Variants in DNM3 observed in about 807,000 individuals in gnomAD.
The protein encoded by DNM3 is dynamin-3.
Under a neutral mutation model 101.6 loss-of-function variants are expected in DNM3, and 47 were observed. That is an observed-to-expected ratio of 0.46 (90% CI 0.37 to 0.59). The LOEUF (loss-of-function observed/expected upper bound fraction) is 0.59, where lower values mean the gene tolerates loss of function less well. Ranked by LOEUF, DNM3 falls within the 20% of genes least tolerant of loss-of-function variation. DNM3 has a pLI of 0.00. For synonymous variants in DNM3, 385 were observed against 387.9 expected (o/e 0.99, Z 0.09); for missense variants, 849 against 1,085.7 (o/e 0.78, Z 3.06).
chr1:172,034,883 T>C (rs969218083), intron 6 of DNM3, among the ~76,000 whole-genome samples: 2 of 152,144 alleles, frequency 1.3e-5, no homozygotes, highest in Non-Finnish European at 2.9e-5. Flanking sequence ...GTAATGTTTC[T>C]AGACCAAATT....
At chr1:172,252,348 A>G (rs888740734) in intron 14 of DNM3, among the ~76,000 whole-genome samples, 2 of 152,152 alleles carry the variant, frequency 1.3e-5, no homozygotes, top group African/African-American at 4.8e-5. Context: ...TCCCTACAAT[A>G]CAACATGTTA....
intron 20 of DNM3, among the ~76,000 whole-genome samples, chr1:172,399,177 A>G (rs1477829893): frequency 1.3e-5 from 2 of 151,998 alleles, no homozygotes; most frequent in Non-Finnish European, 1.5e-5. Context: ...ATTATTCTTT[A>G]CCCTTTTAGC....
intron 1 of DNM3, among the ~76,000 whole-genome samples, chr1:171,899,976 A>T (rs1315751035): frequency 2.0e-5 from 3 of 152,246 alleles, no homozygotes; most frequent in Non-Finnish European, 4.4e-5. Context: ...TGCAAAGGCA[A>T]GGATGCAAGA....
chr1:172,294,269 G>A (rs1216247705), intron 15 of DNM3, among the ~76,000 whole-genome samples: 1 of 152,014 alleles, frequency 6.6e-6, no homozygotes, highest in Non-Finnish European at 1.5e-5. Context: ...CATTCTGCTT[G>A]TTTTGGTTTA....
chr1:171,913,914 G>T (rs185669650), intron 1 of DNM3, among the ~76,000 whole-genome samples: 9 of 151,718 alleles, frequency 5.9e-5, no homozygotes, highest in Non-Finnish European at 5.9e-5. Flanking sequence ...TCAGGCTCCC[G>T]AGTAGCTGGG....
chr1:172,403,367 A>T (rs2070648185), intron 20 of DNM3, among the ~76,000 whole-genome samples: 1 of 152,120 alleles, frequency 6.6e-6, no homozygotes, highest in Non-Finnish European at 1.5e-5. Flanking sequence ...CTGATACACC[A>T]AAGCAGTTTG....
In DNM3 at chr1:172,418,278, T is replaced by C. The variant is rs541305928; in HGVS notation, c.2541-3T>C. 3.2e-4 allele frequency: 415 copies of C among 1,289,252 alleles called. 1 individual carries two copies. In the African/African-American group the frequency reaches 5.7e-3, roughly 18 times the overall value. The allele number at this position is 1,289,252 out of a possible 1,614,324, so 79.9% of individuals were successfully genotyped here. The stretch of plus-strand genomic sequence containing the variant: ...TTGTTTTGTTTTGTTTTGTTTTTAC[T>C]AGGCGACCCCCTCCTGCAGTTCCAG... On this transcript the variant is annotated splice_region_variant and splice_polypyrimidine_tract_variant and intron_variant, in intron 20 of 20. Coordinates refer to the DNM3 transcript ENST00000485254.
chr1:172,171,272 A>G (rs1467353014), intron 14 of DNM3, among the ~76,000 whole-genome samples: 3 of 151,726 alleles, frequency 2.0e-5, no homozygotes, highest in Non-Finnish European at 2.9e-5. Flanking sequence ...AAGTTCAACT[A>G]TTTTGACTTT....
chr1:172,073,663 A>G (rs1572386971), intron 11 of DNM3, among the ~76,000 whole-genome samples: 1 of 152,184 alleles, frequency 6.6e-6, no homozygotes, highest in African/African-American at 2.4e-5. Flanking sequence ...GCTACCTTCA[A>G]TGAAGGGAGG....
chr1:172,343,604 G>A (rs534082495), intron 17 of DNM3, among the ~76,000 whole-genome samples: 2 of 152,212 alleles, frequency 1.3e-5, no homozygotes, highest in Admixed American at 6.5e-5. Context: ...CAGAGGAGTC[G>A]AGTGCAGTGT....
Position 172,306,000 on chromosome 1 carries a change from G to A in DNM3, c.1770-2728G>A, listed in dbSNP as rs28879412. The stretch of plus-strand genomic sequence containing the variant: ...ACAGGGATGCCCTCTCTCACCACTC[G>A]TATTCAACATAGTGTTGGAAGTTCT... On this transcript the variant is annotated intron_variant, in intron 15 of 20. Transcript: ENST00000627582. Among the ~76,000 whole-genome samples the A allele has an allele frequency of 3.9e-5, 6 of 152,056 alleles. No homozygotes were observed. In the South Asian group the frequency reaches 6.2e-4, roughly 16 times the overall value.
chr1:172,237,823 G>A (rs1431485455), intron 14 of DNM3, among the ~76,000 whole-genome samples: 1 of 152,180 alleles, frequency 6.6e-6, no homozygotes, highest in Admixed American at 6.6e-5. Flanking sequence ...CAACATTAAT[G>A]TGAGAGATTA....
At chr1:172,270,432 T>C (rs1254637455) in intron 15 of DNM3, among the ~76,000 whole-genome samples, 1 of 152,164 alleles carries the variant, frequency 6.6e-6, no homozygotes, top group Non-Finnish European at 1.5e-5. Context: ...GTCTAATATA[T>C]TTTCAGTTTT....
At chr1:171,880,983 G>T (rs188481710) in intron 1 of DNM3, among the ~76,000 whole-genome samples, 1 of 152,028 alleles carries the variant, frequency 6.6e-6, no homozygotes, top group Non-Finnish European at 1.5e-5. Flanking sequence ...TTATTTTGTG[G>T]CTAATTTATT....
At chr1:172,361,589 A>G (rs1466030095) in intron 17 of DNM3, among the ~76,000 whole-genome samples, 1 of 151,922 alleles carries the variant, frequency 6.6e-6, no homozygotes. Context: ...CAATTAAATC[A>G]TAATATTTGA....
intron 15 of DNM3, among the ~76,000 whole-genome samples, chr1:172,279,936 G>A (rs1449586162): frequency 6.6e-6 from 1 of 152,054 alleles, no homozygotes; most frequent in Non-Finnish European, 1.5e-5. Flanking sequence ...TCTGCTTAAA[G>A]TCCGTGTATT....
At chr1:171,990,077 C>A (rs1251680057) in intron 4 of DNM3, among the ~76,000 whole-genome samples, 1 of 151,992 alleles carries the variant, frequency 6.6e-6, no homozygotes. Context: ...CTTTGTGAAT[C>A]TTATTTTTAT....
intron 14 of DNM3, among the ~76,000 whole-genome samples, chr1:172,171,038 T>C: frequency 6.6e-6 from 1 of 151,840 alleles, no homozygotes; most frequent in East Asian, 1.9e-4. Context: ...CTCTTCTGTA[T>C]GCTGGTCTTG....
intron 15 of DNM3, among the ~76,000 whole-genome samples, chr1:172,287,918 G>T (rs140195201): frequency 5.9e-5 from 9 of 151,742 alleles, no homozygotes; most frequent in Admixed American, 1.3e-4. Flanking sequence ...CTAACTCCTG[G>T]GCTCAAGCCA....
Sources: gnomAD v4.1 joint callset for allele counts (sites outside exome capture counted in the v4.1 genomes callset) on GRCh38, gnomAD v4.1.1 for gene constraint, MANE v1.5 for transcripts, NCBI Gene and HGNC (gene_info 2026-07-23, HGNC 2026-07-21) for gene names.